The following PRKN variants were observed in gnomAD, a reference collection of about 807,000 sequenced individuals.
PRKN encodes the protein E3 ubiquitin-protein ligase parkin.
In PRKN, 56 loss-of-function variants were observed where a neutral mutation model predicts 59.5. The ratio of observed to expected loss-of-function variants is 0.94; its 90% CI spans 0.76 to 1.18. PRKN has a LOEUF of 1.18. Among genes scored for constraint, PRKN ranks in the 50% most tolerant of loss-of-function variants. The pLI is 0.00. For missense variants in PRKN, 657 were observed against 596.4 expected (o/e 1.10, Z -1.06); for synonymous variants, 250 against 222.1 (o/e 1.13, Z -1.12).
chr6:162,128,319 T>A (rs879739494), intron 4 of PRKN, among the ~76,000 whole-genome samples: 5 of 152,206 alleles, frequency 3.3e-5, no homozygotes, highest in Non-Finnish European at 5.9e-5. Context: ...GGGGTTCCTT[T>A]ACCTGTTTTG....
chr6:161,955,396 T>C (rs895261301), intron 6 of PRKN, among the ~76,000 whole-genome samples: 21 of 152,202 alleles, frequency 1.4e-4, no homozygotes, highest in African/African-American at 4.3e-4. Flanking sequence ...TTGCCTCATG[T>C]CATATTATCA....
intron 6 of PRKN, among the ~76,000 whole-genome samples, chr6:161,812,833 T>G (rs950416785): frequency 6.6e-6 from 1 of 152,234 alleles, no homozygotes; most frequent in Admixed American, 6.5e-5. Context: ...TCTTTAAAAC[T>G]GTAAAGTTTC....
At chr6:162,698,278 A>G (rs1445465091) in intron 1 of PRKN, among the ~76,000 whole-genome samples, 1 of 135,632 alleles carries the variant, frequency 7.4e-6, no homozygotes, top group East Asian at 2.4e-4. Flanking sequence ...CAATGTGCCT[A>G]GATTTTAACC....
At chr6:161,714,320 T>C (rs1786877859) in intron 7 of PRKN, among the ~76,000 whole-genome samples, 2 of 152,148 alleles carry the variant, frequency 1.3e-5, no homozygotes, top group Admixed American at 6.5e-5. Flanking sequence ...TATTAAGAAA[T>C]GGCTTCTTTA....
chr6:161,960,217 G>T (rs1414476286), intron 6 of PRKN, among the ~76,000 whole-genome samples: 1 of 152,200 alleles, frequency 6.6e-6, no homozygotes, highest in Non-Finnish European at 1.5e-5. Flanking sequence ...ATAACTGCAA[G>T]AACAAGAAGA....
At chr6:162,637,681 C>T (rs950394793) in intron 1 of PRKN, among the ~76,000 whole-genome samples, 2 of 152,146 alleles carry the variant, frequency 1.3e-5, no homozygotes, top group Non-Finnish European at 2.9e-5. Context: ...TCATAAAATA[C>T]AATTAAATTA....
chr6:162,055,530 A>G (rs1294169468), intron 4 of PRKN, among the ~76,000 whole-genome samples: 1 of 152,086 alleles, frequency 6.6e-6, no homozygotes, highest in Non-Finnish European at 1.5e-5. Flanking sequence ...TGGAGCAGTG[A>G]GGTGGCCACG....
At chr6:161,872,446 A>G (rs571897492) in intron 6 of PRKN, among the ~76,000 whole-genome samples, 1 of 152,204 alleles carries the variant, frequency 6.6e-6, no homozygotes, top group East Asian at 1.9e-4. Flanking sequence ...CAAGTATCCA[A>G]TCTGTTCATA....
Position 161,575,893 on chromosome 6 carries a change from C to A in PRKN, c.872-6477G>T, listed in dbSNP as rs1319884295. On this transcript the variant is annotated intron_variant, in intron 7 of 11. Coordinates refer to ENST00000366898, the MANE Select transcript of PRKN (RefSeq NM_004562.3). The surrounding 1 kb of genome is among the most constrained non-coding windows in gnomAD (Gnocchi z 4.6). ...AAACCGACTAACGACAAAATGGCAT[C>A]AAAAATAAATGAAGATTCAATGTGA... 6.6e-6 allele frequency among the ~76,000 whole-genome samples: 1 copy of A among 152,162 alleles called. No homozygotes were observed. The highest frequency in any genetic ancestry group is 1.5e-5 in the Non-Finnish European group (1 of 68,036).
chr6:161,590,274 A>G (rs1171879894), intron 7 of PRKN, among the ~76,000 whole-genome samples: 3 of 152,134 alleles, frequency 2.0e-5, no homozygotes, highest in Non-Finnish European at 2.9e-5. Context: ...TGAGAAGGGT[A>G]CAACATCCTC....
intron 1 of PRKN, among the ~76,000 whole-genome samples, chr6:162,574,296 G>A (rs1043496075): frequency 3.9e-5 from 6 of 152,092 alleles, no homozygotes; most frequent in African/African-American, 1.2e-4. Flanking sequence ...GGGACGTGGA[G>A]TCTATTTTAA....
chr6:161,620,409 G>A (rs1782854398), intron 7 of PRKN, among the ~76,000 whole-genome samples: 1 of 152,254 alleles, frequency 6.6e-6, no homozygotes, highest in South Asian at 2.1e-4. Flanking sequence ...TCAGGAAAAT[G>A]AATGACGTTA....
chr6:162,262,849 C>T (rs1209392399), intron 2 of PRKN, 84 bp from the exon 3 acceptor site: 28 of 1,547,498 alleles, frequency 1.8e-5, no homozygotes, highest in African/African-American at 2.7e-5. Context: ...ACTTGCCCTC[C>T]GTGGTAGAAG....
intron 6 of PRKN, among the ~76,000 whole-genome samples, chr6:161,907,181 G>A (rs917339588): frequency 7.9e-5 from 12 of 152,024 alleles, no homozygotes; most frequent in Non-Finnish European, 1.8e-4. Context: ...CTGCCCTTAT[G>A]GATAAAGGAT....
chr6:162,195,119 T>C (rs1784438713), intron 4 of PRKN, among the ~76,000 whole-genome samples: 1 of 152,166 alleles, frequency 6.6e-6, no homozygotes, highest in Non-Finnish European at 1.5e-5. Context: ...GATTTAACAC[T>C]GTAACGCGAT....
rs143083968 is a variant in PRKN at position 161,533,950 on chromosome 6, C to T, written c.1083+14904G>A. On this transcript the variant is annotated intron_variant, in intron 9 of 11. Coordinates refer to ENST00000366898, the MANE Select transcript of PRKN (RefSeq NM_004562.3). The surrounding 1 kb of genome is among the most constrained non-coding windows in gnomAD (Gnocchi z 4.1). ...GGCTGTATATTCACACGACACTCGCCGTCACAGTGGTCTCTGTGACTTCAG... is the reference window on the plus strand; with the variant it reads ...GGCTGTATATTCACACGACACTCGCTGTCACAGTGGTCTCTGTGACTTCAG... 3.2e-3 allele frequency among the ~76,000 whole-genome samples: 480 copies of T among 152,186 alleles called. 2 individuals are homozygous for T. The highest frequency in any genetic ancestry group is 0.011 in the African/African-American group (451 of 41,520).
chr6:161,411,847 CTCATTCCTTCCTCACCCATTCCTTCT>C, intron 9 of PRKN, among the ~76,000 whole-genome samples: 1 of 146,466 alleles, frequency 6.8e-6, no homozygotes, highest in Admixed American at 6.8e-5. Context: ...TCATTCCTCC[CTCATTCCTTCCTCACCCATTCCTTCT>C]TCATTCATTC....
In PRKN at chr6:162,710,414, C is replaced by CACACACACACACACAA. The variant is rs759309558; in HGVS notation, c.7+17247_7+17248insTTGTGTGTGTGTGTGT. On this transcript the variant is annotated intron_variant, in intron 1 of 11. Transcript: ENST00000366898. ...ACACACACACACACACACACACACA[C>CACACACACACACACAA]AACTGTTTGGTATGATGAGGAAGAA... is the stretch of plus-strand genomic sequence containing the variant. Among the ~76,000 whole-genome samples the CACACACACACACACAA allele has an allele frequency of 1.4e-3, 215 of 150,072 alleles. 2 individuals carry two copies. The highest frequency in any genetic ancestry group is 5.0e-3 in the African/African-American group (201 of 40,166).
chr6:162,004,014 A>C (rs534604136), intron 5 of PRKN, among the ~76,000 whole-genome samples: 12 of 152,156 alleles, frequency 7.9e-5, no homozygotes, highest in Admixed American at 2.0e-4. Context: ...GTCTCGTCAC[A>C]CAGATAAATT....
Sources: gnomAD v4.1 joint callset for allele counts (sites outside exome capture counted in the v4.1 genomes callset) on GRCh38, gnomAD v4.1.1 for gene constraint, Gnocchi (gnomAD v3.1) non-coding constraint, MANE v1.5 for transcripts, NCBI Gene and HGNC (gene_info 2026-07-23, HGNC 2026-07-21) for gene names.